The following FLVCR1 variants were observed in gnomAD, a reference collection of about 807,000 sequenced individuals.
The protein encoded by FLVCR1 is FLVCR choline and heme transporter 1, also known as choline/ethanolamine transporter FLVCR1.
In FLVCR1, 34 loss-of-function variants were observed where a neutral mutation model predicts 53.6. The ratio of observed to expected loss-of-function variants is 0.63; its 90% CI spans 0.48 to 0.84. The LOEUF (loss-of-function observed/expected upper bound fraction) is 0.84, where lower values mean the gene tolerates loss of function less well. FLVCR1 is among the 40% of genes least tolerant of loss of function. The probability of loss-of-function intolerance (pLI) is 0.00; values close to 1 mark genes in which losing one functional copy is unlikely to be tolerated. For synonymous variants in FLVCR1, 300 were observed against 286.3 expected, an observed-to-expected ratio of 1.05 and a Z score of -0.48; for missense variants, 677 against 696.7, an observed-to-expected ratio of 0.97 and a Z score of 0.32.
chr1:212,885,010 C>A (rs1288930675), intron 4 of FLVCR1, among the ~76,000 whole-genome samples: 2 of 152,130 alleles, frequency 1.3e-5, no homozygotes, highest in African/African-American at 4.8e-5. Flanking sequence ...ACTTAAGAAT[C>A]CTAACAAAAA....
At chr1:212,883,491 C>CAATA (rs1353548797) in intron 4 of FLVCR1, 53 bp downstream of exon 4, 5 of 984,070 alleles carry the variant, frequency 5.1e-6, no homozygotes. Context: ...TTTTCTTTAG[C>CAATA]AATATAATTG....
intron 4 of FLVCR1, 60 bp downstream of exon 4, chr1:212,883,498 A>G: frequency 1.1e-6 from 1 of 900,710 alleles, no homozygotes; most frequent in South Asian, 1.4e-5. Flanking sequence ...TAGCAATATA[A>G]TTGTCGTTAG....
chr1:212,858,487 T>A lies in FLVCR1; in HGVS notation c.35T>A (p.Val12Glu). The A allele has an allele frequency of 6.9e-7, 1 of 1,443,732 alleles. No individual in the cohort carries two copies. The highest frequency in any genetic ancestry group is 9.1e-7 in the Non-Finnish European group (1 of 1,103,018). The allele number at this position is 1,443,732 out of a possible 1,614,324, so 89.4% of individuals were successfully genotyped here. ...ARPDDEEGAA[V>E]APGHPLAKGY... ...CCAGACGATGAGGAGGGGGCGGCGG[T>A]GGCGCCCGGACACCCGCTCGCGAAA... Residue 12 changes from valine (V) to glutamate (E), a missense_variant, in exon 1 of 10, where the codon GTG becomes GAG. Physicochemically the swap from Val to Glu is moderately radical, Grantham distance 121. Transcript: ENST00000366971.
intron 5 of FLVCR1, among the ~76,000 whole-genome samples, chr1:212,886,273 G>C (rs1385284103): frequency 6.6e-6 from 1 of 151,598 alleles, no homozygotes; most frequent in Non-Finnish European, 1.5e-5. Flanking sequence ...GAACTCCTGA[G>C]GTCAGGCAAT....
At chr1:212,889,755 CAAA>C (rs386369572) in intron 8 of FLVCR1, among the ~76,000 whole-genome samples, 5 of 111,590 alleles carry the variant, frequency 4.5e-5, no homozygotes. Context: ...GACTCTGTCT[CAAA>C]AAAAAAAAAA....
At chr1:212,877,344 C>T (rs368729253) in intron 3 of FLVCR1, among the ~76,000 whole-genome samples, 1 of 151,952 alleles carries the variant, frequency 6.6e-6, no homozygotes, top group East Asian at 1.9e-4. Flanking sequence ...TCCCGAGTAG[C>T]TGGGACTACA....
chr1:212,883,881 A>G lies in FLVCR1; in HGVS notation c.1092+443A>G, dbSNP rs935082847. ...GGAAAAGTGGCCCATTTTAAAGTTC[A>G]GTTTGATTATGTGACACCTAGCACT... On this transcript the variant is annotated intron_variant, in intron 4 of 9. Transcript: ENST00000366971. Among the ~76,000 whole-genome samples, 3 of 147,888 alleles carry G rather than the reference A, an allele frequency of 2.0e-5. No individual in the cohort carries two copies. In the Admixed American group the frequency reaches 2.0e-4, roughly 10 times the overall value.
chr1:212,863,549 A>AC, intron 1 of FLVCR1, 176 bp from the exon 2 acceptor site: 1 of 583,264 alleles, frequency 1.7e-6, no homozygotes, highest in Non-Finnish European at 3.0e-6. Flanking sequence ...AGATTGCGTC[A>AC]CTGCACTCCA....
At chr1:212,876,948 C>G (rs1016265709) in intron 3 of FLVCR1, among the ~76,000 whole-genome samples, 14 of 152,260 alleles carry the variant, frequency 9.2e-5, no homozygotes, top group Admixed American at 8.5e-4. Context: ...TTTGTACTCC[C>G]TCCAGCAGTG....
chr1:212,886,049 T>TTTTTC (rs1208118043), intron 5 of FLVCR1, among the ~76,000 whole-genome samples: 1 of 148,394 alleles, frequency 6.7e-6, no homozygotes, highest in East Asian at 2.0e-4. Flanking sequence ...GTTCTTTTTT[T>TTTTTC]TTTTTTTTTT....
At position 212,889,320 on chromosome 1, in the gene FLVCR1, C is replaced by T. The variant is rs977457347; in HGVS notation, c.1525+63C>T. On this transcript the variant is annotated intron_variant, in intron 8 of 9. Coordinates refer to ENST00000366971, the MANE Select transcript of FLVCR1 (RefSeq NM_014053.4). ...CATGTGTTAATTTTCATATATATTGCTTCTCAATAGCTTGACAGAACTCAA... is the reference window on the plus strand; with the variant it reads ...CATGTGTTAATTTTCATATATATTGTTTCTCAATAGCTTGACAGAACTCAA... The T allele has an allele frequency of 1.3e-5, 13 of 1,005,438 alleles. No individual in the cohort carries two copies. In the African/African-American group the frequency reaches 2.1e-4, roughly 16 times the overall value. The allele number at this position is 1,005,438 out of a possible 1,614,324, so 62.3% of individuals were successfully genotyped here.
intron 3 of FLVCR1, among the ~76,000 whole-genome samples, chr1:212,878,719 T>C (rs1334827235): frequency 1.3e-5 from 2 of 152,062 alleles, no homozygotes; most frequent in African/African-American, 4.8e-5. Flanking sequence ...TATAAAGATA[T>C]CTTAGAATAA....
At chr1:212,893,732 G>C (rs550977332) in intron 8 of FLVCR1, among the ~76,000 whole-genome samples, 13 of 152,286 alleles carry the variant, frequency 8.5e-5, no homozygotes, top group African/African-American at 2.4e-4. Flanking sequence ...CTTGCAGAAG[G>C]CTTGGATAAT....
chr1:212,876,091 T>C (rs1298686529), intron 3 of FLVCR1, among the ~76,000 whole-genome samples: 1 of 151,818 alleles, frequency 6.6e-6, no homozygotes, highest in East Asian at 2.0e-4. Context: ...TTTGCCATAT[T>C]AGCCAGGTTG....
chr1:212,858,435 C>G lies in FLVCR1; in HGVS notation c.-18C>G. 7.0e-7 allele frequency: 1 copy of G among 1,431,222 alleles called. No homozygotes were observed. Among genetic ancestry groups the G allele is most frequent in the Non-Finnish European group, 9.1e-7 (1 of 1,097,600 alleles). The allele number at this position is 1,431,222 out of a possible 1,614,324, so 88.7% of individuals were successfully genotyped here. ...GGAGTGGGGCGGGGGAGCGAGGTGG[C>G]GCCGGGGAGCCTGGGATATGGCGCG... On this transcript the variant is annotated 5_prime_UTR_variant, in exon 1 of 10. Coordinates refer to ENST00000366971, the MANE Select transcript of FLVCR1 (RefSeq NM_014053.4).
rs41300957 is a variant in FLVCR1, at chr1:212,887,289, G to A, written c.1197-602G>A. Among the ~76,000 whole-genome samples the A allele has an allele frequency of 9.3e-4, 141 of 152,246 alleles. 1 individual carries two copies. The highest frequency in any genetic ancestry group is 3.4e-3 in the Middle Eastern group (1 of 294). On this transcript the variant is annotated intron_variant, in intron 5 of 9. Transcript: ENST00000366971. ...GTTATACATTTAGAAAACTTGATAG[G>A]CATAGATGTGTGTTCTTTGCCACTG...
intron 2 of FLVCR1, among the ~76,000 whole-genome samples, chr1:212,867,660 T>C (rs1664475632): frequency 6.6e-6 from 1 of 152,204 alleles, no homozygotes; most frequent in South Asian, 2.1e-4. Flanking sequence ...AGCAGTAAAC[T>C]ATGTCATTTA....
chr1:212,864,572 G>A (rs1012589070), intron 2 of FLVCR1: 1 of 152,454 alleles, frequency 6.6e-6, no homozygotes, highest in Non-Finnish European at 1.5e-5. Flanking sequence ...TCAGGGAAAA[G>A]GATAGGTAAG....
intron 5 of FLVCR1, among the ~76,000 whole-genome samples, chr1:212,885,872 G>A (rs750564872): frequency 2.0e-5 from 3 of 151,712 alleles, no homozygotes; most frequent in Non-Finnish European, 4.4e-5. Flanking sequence ...AATACTCTAT[G>A]TATTGTATTA....
Sources: gnomAD v4.1 joint callset for allele counts (sites outside exome capture counted in the v4.1 genomes callset) on GRCh38, gnomAD v4.1.1 for gene constraint, MANE v1.5 for transcripts, NCBI Gene and HGNC (gene_info 2026-07-23, HGNC 2026-07-21) for gene names.